The following HCN4 variants were observed in gnomAD, a reference collection of about 807,000 sequenced individuals.
HCN4 encodes hyperpolarization activated cyclic nucleotide gated potassium channel 4, also known as potassium/sodium hyperpolarization-activated cyclic nucleotide-gated channel 4.
A neutral mutation model predicts 76.9 loss-of-function variants in HCN4; 29 were observed. The ratio of observed to expected loss-of-function variants is 0.38; its 90% CI spans 0.28 to 0.51. The LOEUF (loss-of-function observed/expected upper bound fraction) is 0.51, where lower values mean the gene tolerates loss of function less well. HCN4 is among the 20% of genes least tolerant of loss of function. The pLI is 0.90. For synonymous variants in HCN4, 772 were observed against 762.5 expected, an observed-to-expected ratio of 1.01 and a Z score of -0.21; for missense variants, 1,416 against 1,715.2, an observed-to-expected ratio of 0.83 and a Z score of 3.08.
chr15:73,341,326 G>A lies in HCN4; in HGVS notation c.1209+2059C>T, dbSNP rs2043001310. Among the ~76,000 whole-genome samples the A allele has an allele frequency of 2.0e-5, 3 of 151,262 alleles. No individual in the cohort carries two copies. The South Asian group carries it at 6.2e-4, about 31-fold the overall frequency. On this transcript the variant is annotated intron_variant, in intron 2 of 7. Transcript: ENST00000261917. ...TGGCTAATTTTTTGTATTTTTAGTAGAGACGGGGTTTCACCACGTTGGCCA... is the reference window on the plus strand; with the variant it reads ...TGGCTAATTTTTTGTATTTTTAGTAAAGACGGGGTTTCACCACGTTGGCCA...
At chr15:73,356,883 T>C (rs1465284515) in intron 1 of HCN4, among the ~76,000 whole-genome samples, 1 of 152,066 alleles carries the variant, frequency 6.6e-6, no homozygotes, top group African/African-American at 2.4e-5. Flanking sequence ...TGGGGTTGGA[T>C]ATTGTGCTAA....
chr15:73,323,272 G>A lies in HCN4; in HGVS notation c.2821C>T (p.Pro941Ser), dbSNP rs1293424614. The change falls in exon 8 of 8, where the codon CCA becomes TCA. Residue 941 changes from proline to serine, a missense_variant. Physicochemically the swap from Pro to Ser is moderately conservative, Grantham distance 74. Transcript: ENST00000261917. ...CGGGCCCCGGGTGGCGCGGGAGATG[G>A]CTGGGCAGCCTGCGGGGAGCGGGCG... ...PGARSPQAAQ[P>S]SPAPPGARGG... 1 of 1,532,010 alleles carries A rather than the reference G, an allele frequency of 6.5e-7. No homozygotes were observed. Among genetic ancestry groups the A allele is most frequent in the Non-Finnish European group, 8.8e-7 (1 of 1,138,532 alleles). 94.9% of individuals were successfully genotyped at this position (1,532,010 alleles called of 1,614,324 possible).
intron 2 of HCN4, among the ~76,000 whole-genome samples, chr15:73,339,387 G>C (rs1211254060): frequency 6.6e-6 from 1 of 152,220 alleles, no homozygotes; most frequent in Non-Finnish European, 1.5e-5. Context: ...GGCTGGGGGA[G>C]GCAGTAGAAG....
rs2151226892 is a variant in HCN4 at position 73,362,971 on chromosome 15, C to T, written c.785+4515G>A. Among the ~76,000 whole-genome samples, 2 of 152,314 alleles carry T rather than the reference C, an allele frequency of 1.3e-5. 1 individual carries two copies. The highest frequency in any genetic ancestry group is 4.1e-4 in the South Asian group (2 of 4,830). ...ATCCTGGAAGCACCTCGGTCCTGAGCTCCAGCAGCCCCTGCCTTGTCAGGT... is the reference window on the plus strand; with the variant it reads ...ATCCTGGAAGCACCTCGGTCCTGAGTTCCAGCAGCCCCTGCCTTGTCAGGT... On this transcript the variant is annotated intron_variant, in intron 1 of 7. Coordinates refer to ENST00000261917, the MANE Select transcript of HCN4 (RefSeq NM_005477.3).
chr15:73,337,254 A>G (rs1371065023), intron 2 of HCN4, among the ~76,000 whole-genome samples: 1 of 152,230 alleles, frequency 6.6e-6, no homozygotes, highest in Non-Finnish European at 1.5e-5. Context: ...CTGAAATGAC[A>G]TTCACTGACT....
chr15:73,366,195 G>A (rs2043127487), intron 1 of HCN4, among the ~76,000 whole-genome samples: 1 of 152,124 alleles, frequency 6.6e-6, no homozygotes, highest in Non-Finnish European at 1.5e-5. Context: ...AGGGGGGAGG[G>A]GCTCTGTTCA....
rs1259587018 is a variant in HCN4, at chr15:73,322,194, A to AC, written c.*286dup. On this transcript the variant is annotated 3_prime_UTR_variant, in exon 8 of 8. Coordinates refer to ENST00000261917, the MANE Select transcript of HCN4 (RefSeq NM_005477.3). ...CTCCCACCCCTGCCCAGCCCCGGAGACCCCATCTGCCTTTCTCTGGCTTTT... is the reference window on the plus strand; with the variant it reads ...CTCCCACCCCTGCCCAGCCCCGGAGACCCCCATCTGCCTTTCTCTGGCTTTT... 3 of 378,784 alleles carry AC rather than the reference A, an allele frequency of 7.9e-6. No individual in the cohort carries two copies. The highest frequency in any genetic ancestry group is 3.8e-5 in the Admixed American group (1 of 26,546). The allele number at this position is 378,784 out of a possible 1,614,324, so 23.5% of individuals were successfully genotyped here. A position where few individuals can be genotyped will look rare whatever the true frequency, so the allele number is the denominator to read the frequency against.
chr15:73,358,482 C>A (rs774089888), intron 1 of HCN4, among the ~76,000 whole-genome samples: 1 of 152,200 alleles, frequency 6.6e-6, no homozygotes, highest in African/African-American at 2.4e-5. Flanking sequence ...CCAGGCCACA[C>A]GCTCAGTGAC....
intron 1 of HCN4, among the ~76,000 whole-genome samples, chr15:73,356,158 T>C (rs1484653161): frequency 6.7e-6 from 1 of 149,940 alleles, no homozygotes; most frequent in African/African-American, 2.5e-5. Context: ...GCACTGGAAA[T>C]GGATTTGGGG....
intron 1 of HCN4, among the ~76,000 whole-genome samples, chr15:73,362,810 C>A (rs1434872298): frequency 6.6e-6 from 1 of 152,206 alleles, no homozygotes; most frequent in Non-Finnish European, 1.5e-5. Context: ...GAGAAGGTAA[C>A]CCCCATCCTT....
At position 73,343,607 on chromosome 15, in the gene HCN4, G is replaced by T. The variant is rs1472247877; in HGVS notation, c.987C>A (p.Asp329Glu). ...GGTACTTCATTTTAATCCGCTGCGG[G>T]TCCAGGATGATCTCTGTGTTGTCCT... Reference protein sequence around the residue: ...VVEDNTEIILDPQRIKMKYLK... With the variant: ...VVEDNTEIILEPQRIKMKYLK... The change falls in exon 2 of 8, where the codon GAC (aspartate) becomes GAA (glutamate). Residue 329 changes from aspartate to glutamate, a missense_variant. Physicochemically the swap from Asp to Glu is conservative, Grantham distance 45. Transcript: ENST00000261917. This position sits in a 1 kb window ranked among gnomAD's most constrained non-coding sequence, Gnocchi z 5.7. 2 of 1,614,150 alleles carry T rather than the reference G, an allele frequency of 1.2e-6. No individual in the cohort carries two copies. Among genetic ancestry groups the T allele is most frequent in the Admixed American group, 3.3e-5 (2 of 60,016 alleles).
Position 73,368,595 on chromosome 15 carries a change from G to A in HCN4, c.-325C>T, listed in dbSNP as rs944537657. The A allele has an allele frequency of 2.1e-5, 4 of 191,818 alleles. No homozygotes were observed. The highest frequency in any genetic ancestry group is 1.8e-4 in the Admixed American group (3 of 16,312). The allele number at this position is 191,818 out of a possible 1,614,324, so 11.9% of individuals were successfully genotyped here. On this transcript the variant is annotated 5_prime_UTR_variant, in exon 1 of 8. Transcript: ENST00000261917. This position sits in a 1 kb window ranked among gnomAD's most constrained non-coding sequence, Gnocchi z 6.9. ...CGGCTCCAGGCGCCCCGCCCCCGCGGGGAACAATGGGCGCCGGCCGGAGAG... is the reference window on the plus strand; with the variant it reads ...CGGCTCCAGGCGCCCCGCCCCCGCGAGGAACAATGGGCGCCGGCCGGAGAG...
intron 2 of HCN4, among the ~76,000 whole-genome samples, chr15:73,337,124 C>A (rs1385740104): frequency 6.6e-6 from 1 of 152,210 alleles, no homozygotes; most frequent in African/African-American, 2.4e-5. Context: ...GGCTCAAAAG[C>A]CACTTCCATG....
intron 1 of HCN4, among the ~76,000 whole-genome samples, chr15:73,363,888 A>T (rs889996973): frequency 6.6e-6 from 1 of 152,188 alleles, no homozygotes; most frequent in African/African-American, 2.4e-5. Flanking sequence ...CTGGGGCTCA[A>T]ATAAGGCTCA....
At chr15:73,359,879 TCTC>T (rs1315273628) in intron 1 of HCN4, among the ~76,000 whole-genome samples, 1 of 152,092 alleles carries the variant, frequency 6.6e-6, no homozygotes, top group Non-Finnish European at 1.5e-5. Context: ...ACTTGCCCCT[TCTC>T]CTCTGAACCC....
intron 1 of HCN4, among the ~76,000 whole-genome samples, chr15:73,355,969 A>C (rs892760045): frequency 1.3e-5 from 2 of 152,158 alleles, no homozygotes; most frequent in Non-Finnish European, 2.9e-5. Context: ...GAAGGCTCCA[A>C]CACCACTCCC....
rs1230639034 is a variant in HCN4 at position 73,346,816 on chromosome 15, T to C, written c.786-3008A>G. Among the ~76,000 whole-genome samples, 3 of 152,204 alleles carry C rather than the reference T, an allele frequency of 2.0e-5. No homozygotes were observed. In the East Asian group the frequency reaches 5.8e-4, roughly 29 times the overall value. On this transcript the variant is annotated intron_variant, in intron 1 of 7. Coordinates refer to ENST00000261917, the MANE Select transcript of HCN4 (RefSeq NM_005477.3). ...AGGAGTTGGGTTTTGGGAACTGCCG[T>C]TGGCTTCTGGACTACCTTTCCTTAC...
intron 1 of HCN4, among the ~76,000 whole-genome samples, chr15:73,362,086 T>C (rs1266052259): frequency 6.6e-6 from 1 of 152,234 alleles, no homozygotes. Flanking sequence ...ACCCAGCTTC[T>C]TCCTGTTCAC....
At chr15:73,365,004 G>C (rs945211538) in intron 1 of HCN4, among the ~76,000 whole-genome samples, 1 of 152,164 alleles carries the variant, frequency 6.6e-6, no homozygotes, top group East Asian at 1.9e-4. Flanking sequence ...ATAAATCCTC[G>C]ACTAGCCTGA....
Sources: gnomAD v4.1 joint callset for allele counts (sites outside exome capture counted in the v4.1 genomes callset) on GRCh38, gnomAD v4.1.1 for gene constraint, Gnocchi (gnomAD v3.1) non-coding constraint, MANE v1.5 for transcripts, NCBI Gene and HGNC (gene_info 2026-07-23, HGNC 2026-07-21) for gene names.